Variants in SLC35D1 observed in about 807,000 individuals in gnomAD.
SLC35D1 encodes the protein nucleotide sugar transporter SLC35D1.
Under a neutral mutation model 46.7 loss-of-function variants are expected in SLC35D1, and 31 were observed. The ratio of observed to expected loss-of-function variants is 0.66; its 90% CI spans 0.50 to 0.90. The LOEUF (loss-of-function observed/expected upper bound fraction) is 0.90. SLC35D1 is among the 40% of genes least tolerant of loss of function. The probability of loss-of-function intolerance (pLI) is 0.00; values close to 1 mark genes in which losing one functional copy is unlikely to be tolerated. For synonymous variants in SLC35D1, 195 were observed against 164.6 expected (o/e 1.18, Z -1.41); for missense variants, 397 against 426.2 (o/e 0.93, Z 0.60).
At chr1:67,029,880 T>C (rs1409151562) in intron 8 of SLC35D1, among the ~76,000 whole-genome samples, 1 of 152,242 alleles carries the variant, frequency 6.6e-6, no homozygotes, top group Non-Finnish European at 1.5e-5. Context: ...CACTATCAGT[T>C]TGCCCTGTTT....
chr1:67,044,935 C>T (rs1163203168), intron 7 of SLC35D1, among the ~76,000 whole-genome samples: 1 of 152,146 alleles, frequency 6.6e-6, no homozygotes, highest in Non-Finnish European at 1.5e-5. Context: ...CTCAGCATGG[C>T]CGTACTGCCT....
At chr1:67,018,018 T>C (rs1440427353) in intron 10 of SLC35D1, among the ~76,000 whole-genome samples, 1 of 152,188 alleles carries the variant, frequency 6.6e-6, no homozygotes, top group African/African-American at 2.4e-5. Context: ...AATATATTTA[T>C]CTGACTTATT....
chr1:67,035,151 C>CGT (rs1225214867), intron 8 of SLC35D1, among the ~76,000 whole-genome samples: 1 of 151,536 alleles, frequency 6.6e-6, no homozygotes, highest in South Asian at 2.1e-4. Flanking sequence ...TGTGTGCGCG[C>CGT]GTGTGTGTGT....
At chr1:66,987,424 A>G in the SLC35D1 span, 1 of 152,356 alleles carries the variant, frequency 6.6e-6, no homozygotes, top group Non-Finnish European at 1.5e-5. Flanking sequence ...TATCATTTTC[A>G]TTTGGAATGG....
In SLC35D1 at chr1:67,000,957, A is replaced by G. The variant is rs1048137837; in HGVS notation, c.*3383T>C. 1.3e-5 allele frequency: 2 copies of G among 152,362 alleles called. No homozygotes were observed. Among genetic ancestry groups the G allele is most frequent in the African/African-American group, 4.8e-5 (2 of 41,452 alleles). The allele number at this position is 152,362 out of a possible 1,614,324, so 9.4% of individuals were successfully genotyped here. On this transcript the variant is annotated 3_prime_UTR_variant, in exon 12 of 12. Coordinates refer to ENST00000235345, the MANE Select transcript of SLC35D1 (RefSeq NM_015139.3). The stretch of plus-strand genomic sequence containing the variant: ...CAGTGATACTCATAACCATGCAGGC[A>G]GCTCTTGGTTACAAAATCACGGACT...
the SLC35D1 span, among the ~76,000 whole-genome samples, chr1:66,976,238 G>A: frequency 2.1e-4 from 31 of 150,476 alleles, no homozygotes; most frequent in African/African-American, 5.5e-4. Flanking sequence ...TCCTGACCTC[G>A]TGATCCACCC....
chr1:67,015,825 ATTATGTC>A (rs1667673675), intron 10 of SLC35D1, among the ~76,000 whole-genome samples: 1 of 152,224 alleles, frequency 6.6e-6, no homozygotes. Flanking sequence ...TGGTATCTTT[ATTATGTC>A]TTATAAGTCT....
intron 8 of SLC35D1, among the ~76,000 whole-genome samples, chr1:67,041,358 T>A (rs900128227): frequency 3.9e-5 from 6 of 152,204 alleles, no homozygotes; most frequent in Admixed American, 3.3e-4. Context: ...GGGAAACAGC[T>A]TCATAAGCTG....
intron 8 of SLC35D1, among the ~76,000 whole-genome samples, chr1:67,022,503 T>TG (rs1667829032): frequency 6.6e-6 from 1 of 152,190 alleles, no homozygotes; most frequent in Admixed American, 6.5e-5. Flanking sequence ...GGCTCCCTTG[T>TG]GGGGCCCTTC....
At position 67,043,110 on chromosome 1, in the gene SLC35D1, G is replaced by A. The variant is rs147199151; in HGVS notation, c.637-782C>T. On this transcript the variant is annotated intron_variant, in intron 7 of 11. Transcript: ENST00000235345. ...CTTGGGAGGCTGAGGCGGGAGAATCGCTTGAACTCAGGAGGTGGAGATGCA... is the reference window on the plus strand; with the variant it reads ...CTTGGGAGGCTGAGGCGGGAGAATCACTTGAACTCAGGAGGTGGAGATGCA... 7.4e-4 allele frequency among the ~76,000 whole-genome samples: 112 copies of A among 151,924 alleles called. 1 individual carries two copies. The East Asian group carries it at 0.02, about 27-fold the overall frequency.
chr1:66,988,836 A>ATGCT, the SLC35D1 span, among the ~76,000 whole-genome samples: 1 of 152,220 alleles, frequency 6.6e-6, no homozygotes, highest in African/African-American at 2.4e-5. Flanking sequence ...ACCAGGTACT[A>ATGCT]TGCTTGCTTG....
At chr1:67,037,552 A>G (rs1464808973) in intron 8 of SLC35D1, among the ~76,000 whole-genome samples, 2 of 152,170 alleles carry the variant, frequency 1.3e-5, no homozygotes, top group East Asian at 3.9e-4. Flanking sequence ...CTACTTGGTA[A>G]TGTCTACAAT....
downstream of SLC35D1, among the ~76,000 whole-genome samples, chr1:66,998,191 A>G (rs1667264016): frequency 6.6e-6 from 1 of 152,150 alleles, no homozygotes; most frequent in African/African-American, 2.4e-5. Flanking sequence ...CCCAAAAGAA[A>G]AGTAAGTGGG....
chr1:66,989,568 A>G, the SLC35D1 span, among the ~76,000 whole-genome samples: 1 of 152,128 alleles, frequency 6.6e-6, no homozygotes, highest in Non-Finnish European at 1.5e-5. Flanking sequence ...GGCGCAGGTA[A>G]TCCTCCCACC....
the SLC35D1 span, among the ~76,000 whole-genome samples, chr1:66,976,338 C>A: frequency 2.0e-5 from 3 of 152,148 alleles, no homozygotes; most frequent in East Asian, 5.8e-4. Context: ...ATATATTTTT[C>A]TAGTAAATTA....
In SLC35D1 at chr1:67,054,138, A is replaced by C; in HGVS notation, c.-125T>G. 2.2e-6 allele frequency: 2 copies of C among 924,342 alleles called. No individual in the cohort carries two copies. The highest frequency in any genetic ancestry group is 3.1e-6 in the Non-Finnish European group (2 of 637,386). The allele number at this position is 924,342 out of a possible 1,614,324, so 57.3% of individuals were successfully genotyped here. On this transcript the variant is annotated 5_prime_UTR_variant, in exon 1 of 12. Transcript: ENST00000235345. The stretch of plus-strand genomic sequence containing the variant: ...GGCCAGCTGCGCGCTCGCCGCCTCG[A>C]CTCCCCGCTTGGCCGCCGCCTGTCC...
intron 10 of SLC35D1, among the ~76,000 whole-genome samples, chr1:67,012,728 C>T (rs1323546136): frequency 1.3e-5 from 2 of 152,040 alleles, no homozygotes; most frequent in African/African-American, 2.4e-5. Flanking sequence ...TGTAAGCTCA[C>T]ACTCCCTGCT....
chr1:67,045,798 G>A (rs1385469984), intron 7 of SLC35D1, among the ~76,000 whole-genome samples: 1 of 152,110 alleles, frequency 6.6e-6, no homozygotes, highest in African/African-American at 2.4e-5. Context: ...GGCCATGCAT[G>A]GCTAATGACC....
At chr1:67,011,226 A>T (rs1667560581) in intron 10 of SLC35D1, among the ~76,000 whole-genome samples, 1 of 152,158 alleles carries the variant, frequency 6.6e-6, no homozygotes, top group African/African-American at 2.4e-5. Flanking sequence ...TAAATTAGAT[A>T]CCTTTTCTTT....
Sources: gnomAD v4.1 joint callset for allele counts (sites outside exome capture counted in the v4.1 genomes callset) on GRCh38, gnomAD v4.1.1 for gene constraint, MANE v1.5 for transcripts, NCBI Gene and HGNC (gene_info 2026-07-23, HGNC 2026-07-21) for gene names.